The following OR2AT4 variants were observed in gnomAD, a reference collection of about 807,000 sequenced individuals.
OR2AT4 encodes the protein olfactory receptor family 2 subfamily AT member 4.
Under a neutral mutation model 10.3 loss-of-function variants are expected in OR2AT4, and 6 were observed. The observed-to-expected ratio is 0.58, with a 90% CI of 0.32 to 1.15. The LOEUF (loss-of-function observed/expected upper bound fraction) is 1.15, where lower values mean the gene tolerates loss of function less well. Ranked by LOEUF, OR2AT4 falls within the 50% of genes most tolerant of loss-of-function variation. The pLI is 0.05. For synonymous variants in OR2AT4, 145 were observed against 159.1 expected, an observed-to-expected ratio of 0.91 and a Z score of 0.67; for missense variants, 354 against 393.8, an observed-to-expected ratio of 0.90 and a Z score of 0.85.
At chr11:75,092,492 A>G (rs529103485) in intron 1 of OR2AT4, among the ~76,000 whole-genome samples, 73 of 152,248 alleles carry the variant, frequency 4.8e-4, no homozygotes, top group Non-Finnish European at 7.6e-4. Context: ...ATGTAGAGAT[A>G]TAGATCAGCT....
exon 2 of OR2AT4, chr11:75,089,306 G>A (rs750247259): frequency 1.9e-6 from 3 of 1,614,230 alleles, no homozygotes; most frequent in African/African-American, 1.3e-5. Context: ...GGACAGGGTA[G>A]TGCAGTGGGT....
intron 1 of OR2AT4, 107 bp from the exon 2 acceptor site, chr11:75,090,471 G>A (rs1383047522): frequency 6.6e-6 from 1 of 152,222 alleles, no homozygotes; most frequent in Non-Finnish European, 1.5e-5. Flanking sequence ...TGAGGAATAT[G>A]GGTGCCATAA....
chr11:75,093,952 A>G (rs1357391716), intron 1 of OR2AT4, among the ~76,000 whole-genome samples: 1 of 150,204 alleles, frequency 6.7e-6, no homozygotes, highest in Non-Finnish European at 1.5e-5. Flanking sequence ...CCTCCTGAGT[A>G]GCTGGGATTA....
At chr11:75,086,321 GAA>G (rs1300990049) in exon 2 of OR2AT4, 4 of 152,122 alleles carry the variant, frequency 2.6e-5, no homozygotes, top group African/African-American at 9.7e-5. Flanking sequence ...ATCCATAAGG[GAA>G]AAATGATAAG....
exon 2 of OR2AT4, chr11:75,089,323 T>G: frequency 1.2e-6 from 2 of 1,614,114 alleles, no homozygotes; most frequent in Non-Finnish European, 1.7e-6. Flanking sequence ...GGGTGGCAGA[T>G]AGCCACATAG....
rs1039176140 is a variant in OR2AT4, at chr11:75,082,415, C to T, written c.*6336G>A. 3.3e-5 allele frequency: 5 copies of T among 151,776 alleles called. No individual in the cohort carries two copies. In the South Asian group the frequency reaches 8.3e-4, roughly 25 times the overall value. The allele number at this position is 151,776 out of a possible 1,614,324, so 9.4% of individuals were successfully genotyped here. On this transcript the variant is annotated 3_prime_UTR_variant, in exon 2 of 2. Coordinates refer to ENST00000641504, the Ensembl canonical transcript of OR2AT4. ...CGTATACATATGTAACAAACCTGCA[C>T]GTTTTGCACATGTACCCTAAAACTT...
At chr11:75,089,912 G>A (rs764751367) in exon 2 of OR2AT4, 123 of 526,362 alleles carry the variant, frequency 2.3e-4, no homozygotes, top group Non-Finnish European at 3.2e-4. Flanking sequence ...CCATGTGAAC[G>A]CAAAATTTGT....
At chr11:75,085,139 A>G (rs1949284011) in exon 2 of OR2AT4, 1 of 152,096 alleles carries the variant, frequency 6.6e-6, no homozygotes, top group South Asian at 2.1e-4. Flanking sequence ...TAAACTGACC[A>G]AGAAAAAATC....
At chr11:75,089,177 G>T in exon 2 of OR2AT4, 2 of 1,614,170 alleles carry the variant, frequency 1.2e-6, no homozygotes, top group Non-Finnish European at 1.7e-6. Flanking sequence ...AGCAGTGGTA[G>T]ATGTAGGCAA....
chr11:75,084,886 G>A (rs961456551), exon 2 of OR2AT4: 1 of 152,122 alleles, frequency 6.6e-6, no homozygotes, highest in Non-Finnish European at 1.5e-5. Context: ...AGTTGCTAAT[G>A]CAGGAGCTAT....
exon 2 of OR2AT4, chr11:75,084,419 C>T (rs1320854057): frequency 6.6e-6 from 1 of 152,030 alleles, no homozygotes; most frequent in Non-Finnish European, 1.5e-5. Context: ...TTGTTAGAAA[C>T]TTTAATATTT....
At chr11:75,093,815 T>C (rs1223324071) in intron 1 of OR2AT4, among the ~76,000 whole-genome samples, 2 of 61,144 alleles carry the variant, frequency 3.3e-5, no homozygotes, top group African/African-American at 1.5e-4. Context: ...TTTTTCTTTT[T>C]TTTTTTTTTT....
exon 2 of OR2AT4, chr11:75,087,905 C>A (rs548746232): frequency 6.6e-5 from 10 of 152,192 alleles, no homozygotes; most frequent in Admixed American, 5.9e-4. Flanking sequence ...TTATAGATAA[C>A]CATCTTTATG....
intron 1 of OR2AT4, among the ~76,000 whole-genome samples, chr11:75,094,971 C>T (rs796402753): frequency 1.1e-4 from 17 of 152,162 alleles, no homozygotes; most frequent in African/African-American, 1.9e-4. Context: ...TTATTCTGAA[C>T]GTTGTTACAG....
intron 1 of OR2AT4, among the ~76,000 whole-genome samples, chr11:75,093,013 T>A (rs909276811): frequency 1.3e-5 from 2 of 152,122 alleles, no homozygotes; most frequent in African/African-American, 4.8e-5. Flanking sequence ...AGCAGGAGAA[T>A]CGCTTGAACC....
At chr11:75,089,571 G>T in exon 2 of OR2AT4, 1 of 1,614,112 alleles carries the variant, frequency 6.2e-7, no homozygotes, top group South Asian at 1.1e-5. Context: ...CAGGATCAGG[G>T]CATTACCCAT....
At chr11:75,093,810 C>CTTTTTTTTTTTTTTTTTTTTTTTTTTT (rs556380402) in intron 1 of OR2AT4, among the ~76,000 whole-genome samples, 194 of 61,818 alleles carry the variant, frequency 3.1e-3, no homozygotes, top group Non-Finnish European at 4.2e-3. Flanking sequence ...TTTTCTTTTT[C>CTTTTTTTTTTTTTTTTTTTTTTTTTTT]TTTTTTTTTT....
At chr11:75,089,297 G>A (rs1460954025) in exon 2 of OR2AT4, 1 of 1,614,104 alleles carries the variant, frequency 6.2e-7, no homozygotes, top group Non-Finnish European at 8.5e-7. Flanking sequence ...GGTTCATGAG[G>A]ACAGGGTAGT....
chr11:75,090,711 T>A (rs1344123776), intron 1 of OR2AT4, among the ~76,000 whole-genome samples: 2 of 152,174 alleles, frequency 1.3e-5, no homozygotes, highest in Non-Finnish European at 2.9e-5. Flanking sequence ...GCATAACAAG[T>A]TTTCCCTGTG....
Sources: allele counts gnomAD v4.1 joint callset (sites outside exome capture counted in the v4.1 genomes callset), GRCh38; gene constraint gnomAD v4.1.1; transcripts MANE v1.5; gene names NCBI Gene and HGNC (gene_info 2026-07-23, HGNC 2026-07-21).